ACSM2A: variants seen among roughly 807,000 people sequenced by gnomAD.
ACSM2A encodes the protein acyl-CoA synthetase medium chain family member 2A, also known as acyl-coenzyme A synthetase ACSM2A, mitochondrial.
ACSM2A carries 72 observed loss-of-function variants against 76.6 expected under a neutral mutation model. The ratio of observed to expected loss-of-function variants is 0.94; its 90% CI spans 0.78 to 1.14. The LOEUF is 1.14. Ranked by LOEUF, ACSM2A falls within the 50% of genes most tolerant of loss-of-function variation. The pLI, the probability that ACSM2A is intolerant of heterozygous loss-of-function variation, is 0.00. For synonymous variants in ACSM2A, 249 were observed against 255.9 expected (o/e 0.97, Z 0.26); for missense variants, 684 against 708.5 (o/e 0.97, Z 0.39).
chr16:20,468,970 A>G (rs2013195675), intron 3 of ACSM2A, among the ~76,000 whole-genome samples: 1 of 152,250 alleles, frequency 6.6e-6, no homozygotes, highest in South Asian at 2.1e-4. Flanking sequence ...TTCAAAAATT[A>G]TAATACCACT....
At chr16:20,455,041 G>A (rs1191665125) in intron 1 of ACSM2A, among the ~76,000 whole-genome samples, 2 of 147,722 alleles carry the variant, frequency 1.4e-5, no homozygotes, top group East Asian at 4.3e-4. Context: ...ACAAGCAGAA[G>A]AAATAACTTC....
chr16:20,483,055 C>T lies in ACSM2A; in HGVS notation c.1510-3C>T. On this transcript the variant is annotated splice_polypyrimidine_tract_variant and splice_region_variant and intron_variant, in intron 12 of 13. Coordinates refer to ENST00000573854, the MANE Select transcript of ACSM2A (RefSeq NM_001308172.2). ...TTCTCTCTGGCCTTCATCTTTTTTGCAGGTGGTGAAGGCATTTGTGGTCCT... is the reference window on the plus strand; with the variant it reads ...TTCTCTCTGGCCTTCATCTTTTTTGTAGGTGGTGAAGGCATTTGTGGTCCT... The T allele has an allele frequency of 1.9e-6, 3 of 1,612,980 alleles. No homozygotes were observed. Among genetic ancestry groups the T allele is most frequent in the Non-Finnish European group, 2.5e-6 (3 of 1,179,380 alleles).
At chr16:20,479,813 A>C (rs1463270619) in intron 10 of ACSM2A, among the ~76,000 whole-genome samples, 1 of 152,224 alleles carries the variant, frequency 6.6e-6, no homozygotes, top group East Asian at 1.9e-4. Context: ...CCCATGAGAA[A>C]GTCAATCCAG....
chr16:20,469,870 GTATTTTTTTT>G lies in ACSM2A; in HGVS notation c.596+153_596+162del, dbSNP rs1412086541. The G allele has an allele frequency of 6.0e-5, 37 of 617,990 alleles. 1 individual carries two copies. Among genetic ancestry groups the G allele is most frequent in the African/African-American group, 2.2e-4 (10 of 46,154 alleles). 38.3% of individuals were successfully genotyped at this position (617,990 alleles called of 1,614,324 possible). A position where few individuals can be genotyped will look rare whatever the true frequency, so the allele number is the denominator to read the frequency against. On this transcript the variant is annotated intron_variant, in intron 4 of 13. Coordinates refer to ENST00000573854, the MANE Select transcript of ACSM2A (RefSeq NM_001308172.2). ...GGAAGAAATAAAAGCTAACACAAGG[GTATTTTTTTT>G]TTTTTTTTTTTTTTTTCAAATCATT...
intron 1 of ACSM2A, among the ~76,000 whole-genome samples, chr16:20,459,448 T>C (rs1223276446): frequency 2.0e-5 from 3 of 152,204 alleles, no homozygotes; most frequent in Admixed American, 6.5e-5. Context: ...CTATACATCT[T>C]AGTAGCTTTT....
intron 6 of ACSM2A, among the ~76,000 whole-genome samples, chr16:20,473,657 A>T (rs1471352539): frequency 7.9e-5 from 12 of 152,158 alleles, no homozygotes; most frequent in Non-Finnish European, 1.6e-4. Context: ...AACCAAAAAT[A>T]AAATCCTAAG....
At chr16:20,479,200 C>G (rs1176383694) in intron 10 of ACSM2A, among the ~76,000 whole-genome samples, 1 of 152,068 alleles carries the variant, frequency 6.6e-6, no homozygotes, top group East Asian at 1.9e-4. Flanking sequence ...ACAAGACTTG[C>G]TCAAGCTCAC....
chr16:20,480,991 G>C, intron 12 of ACSM2A, 70 bp downstream of exon 12: 7 of 1,584,580 alleles, frequency 4.4e-6, no homozygotes, highest in Non-Finnish European at 6.0e-6. Context: ...GATGGTTTAA[G>C]AACAGGGACT....
intron 2 of ACSM2A, among the ~76,000 whole-genome samples, chr16:20,464,802 T>C (rs1303734546): frequency 1.3e-5 from 2 of 152,134 alleles, no homozygotes; most frequent in African/African-American, 2.4e-5. Context: ...TGACGGGTGA[T>C]TGTGTAACGG....
chr16:20,471,723 G>C (rs2013423045), intron 6 of ACSM2A, 34 bp downstream of exon 6: 2 of 1,587,104 alleles, frequency 1.3e-6, no homozygotes, highest in Non-Finnish European at 1.7e-6. Context: ...CAGTTATTCA[G>C]AGTGAGCCCG....
At position 20,453,646 on chromosome 16, in the gene ACSM2A, C is replaced by T. The variant is rs547472058; in HGVS notation, c.-9+1965C>T. ...GATAACTATAAGGTCTGACTGCCTG[C>T]GGGGTCGGGCAGAATAGAGCCATAT... On this transcript the variant is annotated intron_variant, in intron 1 of 13. Coordinates refer to ENST00000573854, the MANE Select transcript of ACSM2A (RefSeq NM_001308172.2). 1.8e-3 allele frequency: 230 copies of T among 125,896 alleles called. 7 individuals are homozygous for T. Among genetic ancestry groups the T allele is most frequent in the African/African-American group, 7.1e-3 (215 of 30,370 alleles). 7.8% of individuals were successfully genotyped at this position (125,896 alleles called of 1,614,324 possible). A position where few individuals can be genotyped will look rare whatever the true frequency, so the allele number is the denominator to read the frequency against.
intron 6 of ACSM2A, chr16:20,474,026 G>T (rs530349750): frequency 2.2e-6 from 1 of 446,844 alleles, no homozygotes; most frequent in Non-Finnish European, 4.5e-6. Flanking sequence ...GGAAGCCCCC[G>T]CTTCAAGTTG....
intron 5 of ACSM2A, 102 bp downstream of exon 5, chr16:20,471,318 C>T (rs911763155): frequency 6.9e-5 from 106 of 1,527,042 alleles, no homozygotes; most frequent in Non-Finnish European, 8.9e-5. Context: ...CGGGGTCCCA[C>T]CTTCTGAACA....
At chr16:20,480,356 GC>G (rs2014013891) in intron 10 of ACSM2A, among the ~76,000 whole-genome samples, 1 of 152,234 alleles carries the variant, frequency 6.6e-6, no homozygotes, top group South Asian at 2.1e-4. Context: ...TAGAGGAGTA[GC>G]TGAGAGACCC....
chr16:20,479,960 C>T (rs1302489971), intron 10 of ACSM2A, among the ~76,000 whole-genome samples: 1 of 152,210 alleles, frequency 6.6e-6, no homozygotes, highest in Non-Finnish European at 1.5e-5. Flanking sequence ...ATCCTTTATG[C>T]CACCATATAT....
intron 3 of ACSM2A, among the ~76,000 whole-genome samples, chr16:20,466,117 A>G (rs2012980223): frequency 2.0e-5 from 3 of 151,360 alleles, no homozygotes; most frequent in African/African-American, 7.2e-5. Flanking sequence ...TTGTAAATAA[A>G]GTTTTATTAT....
At chr16:20,455,740 A>C (rs1292437905) in intron 1 of ACSM2A, among the ~76,000 whole-genome samples, 2 of 146,702 alleles carry the variant, frequency 1.4e-5, no homozygotes, top group Admixed American at 6.7e-5. Context: ...ATACAATAAA[A>C]AAAAAACCCA....
At chr16:20,463,340 G>A (rs1343828928) in intron 2 of ACSM2A, among the ~76,000 whole-genome samples, 1 of 151,488 alleles carries the variant, frequency 6.6e-6, no homozygotes, top group Non-Finnish European at 1.5e-5. Context: ...AAGTGACATA[G>A]TTTGGATATT....
At chr16:20,470,307 T>C (rs889315529) in intron 4 of ACSM2A, among the ~76,000 whole-genome samples, 11 of 152,172 alleles carry the variant, frequency 7.2e-5, no homozygotes, top group South Asian at 4.2e-4. Context: ...GGCTCTTCTT[T>C]CCACCTCTTG....
Sources: gnomAD v4.1 joint callset for allele counts (sites outside exome capture counted in the v4.1 genomes callset) on GRCh38, gnomAD v4.1.1 for gene constraint, MANE v1.5 for transcripts, NCBI Gene and HGNC (gene_info 2026-07-23, HGNC 2026-07-21) for gene names.